The following DCLRE1C variants were observed in gnomAD, a reference collection of about 807,000 sequenced individuals.
The protein encoded by DCLRE1C is protein artemis.
Under a neutral mutation model 61.4 loss-of-function variants are expected in DCLRE1C, and 47 were observed. The observed-to-expected ratio is 0.77, with a 90% CI of 0.61 to 0.98. The LOEUF (loss-of-function observed/expected upper bound fraction) is 0.98. Among genes scored for constraint, DCLRE1C ranks in the 50% least tolerant of loss-of-function variants. The pLI is 0.00. For synonymous variants in DCLRE1C, 337 were observed against 287.6 expected (o/e 1.17, Z -1.74); for missense variants, 858 against 816.0 (o/e 1.05, Z -0.63).
At chr10:14,911,968 A>G (rs1325902820) in intron 13 of DCLRE1C, among the ~76,000 whole-genome samples, 3 of 152,250 alleles carry the variant, frequency 2.0e-5, no homozygotes, top group African/African-American at 7.2e-5. Flanking sequence ...GAATCTTTAC[A>G]TATTGCCGGA....
chr10:14,914,593 G>T (rs949058501), intron 13 of DCLRE1C, among the ~76,000 whole-genome samples: 3 of 152,258 alleles, frequency 2.0e-5, no homozygotes, highest in South Asian at 2.1e-4. Flanking sequence ...CATTTACCAG[G>T]TTTAATGTGT....
intron 1 of DCLRE1C, among the ~76,000 whole-genome samples, chr10:14,950,397 G>C (rs1842294437): frequency 6.9e-6 from 1 of 144,944 alleles, no homozygotes; most frequent in Non-Finnish European, 1.5e-5. Flanking sequence ...AAATTGCTTA[G>C]CTAAACCAAA....
At chr10:14,909,436 A>G (rs1406490279) in intron 13 of DCLRE1C, 106 bp from the exon 14 acceptor site, 1 of 958,274 alleles carries the variant, frequency 1.0e-6, no homozygotes, top group Non-Finnish European at 1.5e-6. Flanking sequence ...TAGGGAGGCC[A>G]CTCTTCTTCA....
chr10:14,919,903 T>G, intron 12 of DCLRE1C, 71 bp from the exon 13 acceptor site: 6 of 1,257,394 alleles, frequency 4.8e-6, no homozygotes. Flanking sequence ...ATTGATAGTA[T>G]TACAAATTTT....
chr10:14,947,540 G>C (rs1374519213), intron 2 of DCLRE1C: 2 of 152,380 alleles, frequency 1.3e-5, no homozygotes, highest in Middle Eastern at 6.8e-3. Context: ...TGGAATCCTG[G>C]TCCTGCCACT....
intron 13 of DCLRE1C, among the ~76,000 whole-genome samples, chr10:14,917,790 C>A (rs559580793): frequency 2.0e-5 from 3 of 152,286 alleles, no homozygotes; most frequent in African/African-American, 7.2e-5. Flanking sequence ...GTACTCCAGT[C>A]TGGGTGACAG....
intron 8 of DCLRE1C, among the ~76,000 whole-genome samples, chr10:14,933,936 G>A (rs921761721): frequency 1.3e-5 from 2 of 152,274 alleles, no homozygotes; most frequent in East Asian, 1.9e-4. Flanking sequence ...CTGCAGACAC[G>A]TCTTGTTAGG....
Position 14,904,852 on chromosome 10 carries a change from A to G in DCLRE1C, c.*3556T>C, listed in dbSNP as rs1218025529. 6.6e-6 allele frequency among the ~76,000 whole-genome samples: 1 copy of G among 152,222 alleles called. No homozygotes were observed. The highest frequency in any genetic ancestry group is 2.4e-5 in the African/African-American group (1 of 41,460). ...TATCAAAGGTAATAGATCCAGTTTA[A>G]AAGGTGAATCCACTGTATGTATTAT... On this transcript the variant is annotated 3_prime_UTR_variant, in exon 14 of 14. Coordinates refer to ENST00000378278, the MANE Select transcript of DCLRE1C (RefSeq NM_001033855.3).
Position 14,954,092 on chromosome 10 carries a change from A to G in DCLRE1C, c.-82T>C. On this transcript the variant is annotated 5_prime_UTR_variant, in exon 1 of 14. Transcript: ENST00000378278. ...CCCTGACCGCGCCGCCACTTCCGGG[A>G]AGCCGCGCGCTGCCTCGCCATTGGG... 1 of 1,600,172 alleles carries G rather than the reference A, an allele frequency of 6.2e-7. No individual in the cohort carries two copies. Among genetic ancestry groups the G allele is most frequent in the East Asian group, 2.2e-5 (1 of 44,686 alleles).
intron 4 of DCLRE1C, among the ~76,000 whole-genome samples, chr10:14,937,278 T>G (rs1840093644): frequency 6.7e-6 from 1 of 148,626 alleles, no homozygotes. Context: ...ATAAAGCTAT[T>G]TACTTTTTTT....
intron 13 of DCLRE1C, among the ~76,000 whole-genome samples, chr10:14,914,032 A>T (rs1716613800): frequency 6.6e-6 from 1 of 152,228 alleles, no homozygotes; most frequent in Non-Finnish European, 1.5e-5. Context: ...TAGCAAGAGG[A>T]TAAACTTAAA....
intron 2 of DCLRE1C, 85 bp from the exon 3 acceptor site, chr10:14,945,274 A>C: frequency 2.8e-6 from 4 of 1,445,916 alleles, no homozygotes; most frequent in Non-Finnish European, 3.8e-6. Flanking sequence ...TCATACATCT[A>C]ATAATTTCAT....
chr10:14,908,351 C>G lies in DCLRE1C; in HGVS notation c.*57G>C. The G allele has an allele frequency of 7.7e-7, 1 of 1,295,416 alleles. No individual in the cohort carries two copies. Among genetic ancestry groups the G allele is most frequent in the South Asian group, 1.2e-5 (1 of 84,184 alleles). 80.2% of individuals were successfully genotyped at this position (1,295,416 alleles called of 1,614,324 possible). On this transcript the variant is annotated 3_prime_UTR_variant, in exon 14 of 14. Coordinates refer to ENST00000378278, the MANE Select transcript of DCLRE1C (RefSeq NM_001033855.3). ...TGTATTTTCTCTATTGTAATATTGACTGTCATCTCTGTGCAGGTTTTTTAG... is the reference window on the plus strand; with the variant it reads ...TGTATTTTCTCTATTGTAATATTGAGTGTCATCTCTGTGCAGGTTTTTTAG...
intron 2 of DCLRE1C, among the ~76,000 whole-genome samples, chr10:14,946,691 GCTCA>G (rs58991794): frequency 6.6e-6 from 1 of 151,560 alleles, no homozygotes; most frequent in African/African-American, 2.4e-5. Context: ...GGGGAGGGGA[GCTCA>G]CTGTCACCCA....
downstream of DCLRE1C, among the ~76,000 whole-genome samples, chr10:14,900,622 TA>T (rs1472604212): frequency 6.6e-6 from 1 of 152,250 alleles, no homozygotes; most frequent in Non-Finnish European, 1.5e-5. Flanking sequence ...TTTTCTTGCA[TA>T]TTCCGTAAGT....
upstream of DCLRE1C, chr10:14,954,413 A>G (rs1842878352): frequency 3.1e-6 from 1 of 322,734 alleles, no homozygotes; most frequent in South Asian, 2.8e-5. Context: ...AACTGCGCTT[A>G]GAAATCATTC....
chr10:14,935,219 C>A (rs1394359548), intron 6 of DCLRE1C, among the ~76,000 whole-genome samples: 2 of 151,700 alleles, frequency 1.3e-5, no homozygotes, highest in Admixed American at 6.6e-5. Flanking sequence ...GTAATCCCAG[C>A]ACTTTGGGAG....
intron 8 of DCLRE1C, 48 bp downstream of exon 8, chr10:14,934,332 A>C (rs1262820468): frequency 3.8e-6 from 6 of 1,582,656 alleles, no homozygotes; most frequent in Non-Finnish European, 5.2e-6. Flanking sequence ...CCTCTCAAAA[A>C]AAAAAAAAAA....
intron 5 of DCLRE1C, 142 bp downstream of exon 5, chr10:14,936,396 C>A (rs535875947): frequency 4.9e-6 from 3 of 607,596 alleles, no homozygotes; most frequent in East Asian, 5.9e-5. Context: ...AATCCTCCCG[C>A]GTCAGCCTCC....
Sources: gnomAD v4.1 joint callset for allele counts (sites outside exome capture counted in the v4.1 genomes callset) on GRCh38, gnomAD v4.1.1 for gene constraint, MANE v1.5 for transcripts, NCBI Gene and HGNC (gene_info 2026-07-23, HGNC 2026-07-21) for gene names.